Variants in MTCL1 observed in about 807,000 individuals in gnomAD.
MTCL1 encodes the protein microtubule cross-linking factor 1.
In MTCL1, 79 loss-of-function variants were observed where a neutral mutation model predicts 141.4. The ratio of observed to expected loss-of-function variants is 0.56; its 90% CI spans 0.47 to 0.67. The LOEUF is 0.67. Among genes scored for constraint, MTCL1 ranks in the 30% least tolerant of loss-of-function variants. The pLI, the probability that MTCL1 is intolerant of heterozygous loss-of-function variation, is 0.00. For synonymous variants in MTCL1, 914 were observed against 875.8 expected (o/e 1.04, Z -0.77); for missense variants, 2,177 against 2,113.9 (o/e 1.03, Z -0.59).
intron 4 of MTCL1, among the ~76,000 whole-genome samples, chr18:8,731,615 T>C (rs946570382): frequency 3.9e-5 from 6 of 152,188 alleles, no homozygotes; most frequent in Non-Finnish European, 8.8e-5. Flanking sequence ...AGCACATATT[T>C]CTGAATAATT....
chr18:8,726,500 C>A lies in MTCL1; in HGVS notation c.357+6004C>A, dbSNP rs1324190616. Among the ~76,000 whole-genome samples the A allele has an allele frequency of 6.2e-3, 529 of 85,156 alleles. 2 individuals carry two copies. Among genetic ancestry groups the A allele is most frequent in the Middle Eastern group, 0.01 (2 of 198 alleles). 55.9% of individuals were successfully genotyped at this position (85,156 alleles called of 152,430 possible). ...GAGAGAGAGAGAGAGAGAGAGCGCGCGCGCGCGCAAGAGCGAGCGAGAGAG... is the reference window on the plus strand; with the variant it reads ...GAGAGAGAGAGAGAGAGAGAGCGCGAGCGCGCGCAAGAGCGAGCGAGAGAG... On this transcript the variant is annotated intron_variant, in intron 4 of 16. Transcript: ENST00000359865.
rs151211133 is a variant in MTCL1, at chr18:8,734,109, C to G, written c.357+13613C>G. 2.6e-5 allele frequency among the ~76,000 whole-genome samples: 4 copies of G among 151,924 alleles called. No homozygotes were observed. The South Asian group carries it at 6.2e-4, about 24-fold the overall frequency. ...GCTTGGAGCAGGGTTTCTCTGCTGT[C>G]GTTTTAGACTGGGTCCTGCTTCGTT... On this transcript the variant is annotated intron_variant, in intron 4 of 16. Transcript: ENST00000359865.
chr18:8,738,694 C>A (rs1315427926), intron 4 of MTCL1, among the ~76,000 whole-genome samples: 1 of 152,196 alleles, frequency 6.6e-6, no homozygotes, highest in Non-Finnish European at 1.5e-5. Flanking sequence ...TCAGGTTAGA[C>A]CTACCTGGTG....
intron 4 of MTCL1, among the ~76,000 whole-genome samples, chr18:8,726,124 G>A (rs2096209180): frequency 6.6e-6 from 1 of 151,692 alleles, no homozygotes; most frequent in Non-Finnish European, 1.5e-5. Context: ...AACAGATTTA[G>A]GACTCTTCCT....
intron 14 of MTCL1, 87 bp from the exon 14 acceptor site, chr18:8,824,612 A>G: frequency 1.7e-6 from 2 of 1,205,542 alleles, no homozygotes; most frequent in East Asian, 2.5e-5. Flanking sequence ...CTTCACTGAC[A>G]CTTCTCATGC....
rs1199049683 is a variant in MTCL1 at position 8,813,304 on chromosome 18, A to G, written c.2859+71A>G. On this transcript the variant is annotated intron_variant, in intron 12 of 16. Transcript: ENST00000359865. ...ACTGCTCAGTGGACCCAGAAAGCAAAAGCACTAGGCTGCTTCATGGTCCTT... is the reference window on the plus strand; with the variant it reads ...ACTGCTCAGTGGACCCAGAAAGCAAGAGCACTAGGCTGCTTCATGGTCCTT... The G allele has an allele frequency of 2.6e-6, 4 of 1,519,304 alleles. No homozygotes were observed. The East Asian group carries it at 9.5e-5, about 36-fold the overall frequency. 94.1% of individuals were successfully genotyped at this position (1,519,304 alleles called of 1,614,324 possible).
At chr18:8,741,240 T>C (rs1285937218) in intron 4 of MTCL1, among the ~76,000 whole-genome samples, 1 of 152,180 alleles carries the variant, frequency 6.6e-6, no homozygotes, top group Non-Finnish European at 1.5e-5. Flanking sequence ...TTCATTACAG[T>C]GTGTTAATTA....
intron 4 of MTCL1, among the ~76,000 whole-genome samples, chr18:8,766,671 T>A (rs1433040517): frequency 6.6e-6 from 1 of 152,230 alleles, no homozygotes; most frequent in Non-Finnish European, 1.5e-5. Context: ...TTTCATCACA[T>A]GAAACCATGG....
intron 4 of MTCL1, among the ~76,000 whole-genome samples, chr18:8,742,583 C>A (rs1454638873): frequency 1.3e-5 from 2 of 152,190 alleles, no homozygotes; most frequent in East Asian, 3.8e-4. Context: ...GAGGAAACCA[C>A]CCTCATGATT....
At chr18:8,720,236 G>A (rs2096160329) in intron 3 of MTCL1, 102 bp from the exon 3 acceptor site, 3 of 1,085,254 alleles carry the variant, frequency 2.8e-6, no homozygotes, top group Admixed American at 2.1e-5. Context: ...GCTATGTGGT[G>A]TAATATATTA....
At chr18:8,762,690 C>T (rs1403561457) in intron 4 of MTCL1, among the ~76,000 whole-genome samples, 2 of 152,208 alleles carry the variant, frequency 1.3e-5, no homozygotes, top group Non-Finnish European at 2.9e-5. Context: ...GGAGTGATCA[C>T]ACTGATAGCT....
Position 8,819,322 on chromosome 18 carries a change from A to C in MTCL1, c.3156+63A>C, listed in dbSNP as rs1479198711. On this transcript the variant is annotated intron_variant, in intron 13 of 16. Transcript: ENST00000359865. Reference sequence around the variant, plus strand: ...GAATGAGGGAGCCGTCATGAAACCTAAGAGGCATCTGCCAGATTCCTCTCC... The same window carrying C: ...GAATGAGGGAGCCGTCATGAAACCTCAGAGGCATCTGCCAGATTCCTCTCC... 1.9e-6 allele frequency: 3 copies of C among 1,551,694 alleles called. No homozygotes were observed. The Admixed American group carries it at 5.3e-5, about 28-fold the overall frequency.
At chr18:8,781,352 C>T (rs2096532096) in intron 5 of MTCL1, among the ~76,000 whole-genome samples, 1 of 152,058 alleles carries the variant, frequency 6.6e-6, no homozygotes. Context: ...AGCCCATTTG[C>T]CTCAGTAGTT....
intron 4 of MTCL1, among the ~76,000 whole-genome samples, chr18:8,734,348 A>G (rs2096265759): frequency 6.6e-6 from 1 of 152,070 alleles, no homozygotes; most frequent in African/African-American, 2.4e-5. Flanking sequence ...GTTTGACAAG[A>G]TTGTGGGTTG....
intron 1 of MTCL1, among the ~76,000 whole-genome samples, chr18:8,709,725 G>A (rs937109278): frequency 5.9e-5 from 9 of 152,172 alleles, no homozygotes; most frequent in African/African-American, 2.2e-4. Flanking sequence ...AATGACCAAA[G>A]CCCAATTCAA....
At chr18:8,715,916 C>T (rs1440024296), upstream of MTCL1, among the ~76,000 whole-genome samples, 1 of 152,162 alleles carries the variant, frequency 6.6e-6, no homozygotes, top group African/African-American at 2.4e-5. Context: ...GAGCTGTGTT[C>T]TCTGGTCCCC....
At position 8,761,023 on chromosome 18, in the gene MTCL1, G is replaced by A. The variant is rs1018465796; in HGVS notation, c.358-16810G>A. ...ATGTGTGTCACCATTTTTTTAAAAA[G>A]TAAGGTCTTTGGAGAAAAAACTTGC... is the stretch of plus-strand genomic sequence containing the variant. On this transcript the variant is annotated intron_variant, in intron 4 of 16. Transcript: ENST00000359865. 2.0e-5 allele frequency among the ~76,000 whole-genome samples: 3 copies of A among 152,202 alleles called. No individual in the cohort carries two copies. The South Asian group carries it at 6.2e-4, about 32-fold the overall frequency.
chr18:8,706,761 C>T (rs2096060066), intron 1 of MTCL1, 48 bp downstream of exon 1: 1 of 1,538,236 alleles, frequency 6.5e-7, no homozygotes, highest in South Asian at 1.2e-5. Context: ...CCCGGAGGGC[C>T]TGGCTGCGGC....
At chr18:8,826,127 G>A (rs2077018170) in exon 15 of MTCL1, 1 of 1,613,266 alleles carries the variant, frequency 6.2e-7, no homozygotes, top group African/African-American at 1.3e-5. Flanking sequence ...AGAAGCTGCT[G>A]GAACATGCCT....
Sources: allele counts gnomAD v4.1 joint callset (sites outside exome capture counted in the v4.1 genomes callset), GRCh38; gene constraint gnomAD v4.1.1; transcripts MANE v1.5; gene names NCBI Gene and HGNC (gene_info 2026-07-23, HGNC 2026-07-21).